The following AFDN variants were observed in gnomAD, a reference collection of about 807,000 sequenced individuals.
AFDN encodes the protein afadin.
In AFDN, 68 loss-of-function variants were observed where a neutral mutation model predicts 216.6. The ratio of observed to expected loss-of-function variants is 0.31; its 90% CI spans 0.26 to 0.38. The LOEUF (loss-of-function observed/expected upper bound fraction) is 0.38. Among genes scored for constraint, AFDN ranks in the 10% least tolerant of loss-of-function variants. The pLI, the probability that AFDN is intolerant of heterozygous loss-of-function variation, is 1.00. For missense variants in AFDN, 2,136 were observed against 2,342.0 expected (o/e 0.91, Z 1.82); for synonymous variants, 868 against 853.7 (o/e 1.02, Z -0.29).
rs746384210 is a variant in AFDN at position 167,911,423 on chromosome 6, A to G, written c.1971A>G (p.Thr657=). The change falls in exon 15 of 34, where the codon ACA becomes ACG. Residue 657 remains threonine (T), a synonymous_variant. Coordinates refer to ENST00000683244, the MANE Select transcript of AFDN (RefSeq NM_001386888.1). ...AGTACAGACCTGACATCAGCCCTAC[A>G]GAGCGCACACATAAAGTCATTGCAG... ...SNQYRPDISP[T]ERTHKVIAVV... 3 of 1,614,140 alleles carry G rather than the reference A, an allele frequency of 1.9e-6. No individual in the cohort carries two copies. Among genetic ancestry groups the G allele is most frequent in the Admixed American group, 3.3e-5 (2 of 60,032 alleles).
At chr6:167,966,216 C>T (rs376267330) in intron 32 of AFDN, 171 bp downstream of exon 32, 1 of 1,533,198 alleles carries the variant, frequency 6.5e-7, no homozygotes. Context: ...CAAAAAAGGC[C>T]AGCCCCTGCC....
At chr6:167,846,396 G>A (rs1781686926) in intron 1 of AFDN, among the ~76,000 whole-genome samples, 1 of 152,038 alleles carries the variant, frequency 6.6e-6, no homozygotes, top group South Asian at 2.1e-4. Flanking sequence ...GTGACTTTGA[G>A]AAGATTCTCA....
chr6:167,963,813 G>C, intron 31 of AFDN: 2 of 1,063,338 alleles, frequency 1.9e-6, no homozygotes, highest in Non-Finnish European at 2.3e-6. Context: ...AAGGAAATCA[G>C]ATTTACAAAA....
chr6:167,835,408 A>G (rs1324342222), intron 1 of AFDN, among the ~76,000 whole-genome samples: 3 of 152,226 alleles, frequency 2.0e-5, no homozygotes, highest in African/African-American at 7.2e-5. Flanking sequence ...AGAAGTGACT[A>G]ATTCAATTCA....
intron 4 of AFDN, 36 bp downstream of exon 4, chr6:167,872,413 G>C: frequency 1.3e-6 from 2 of 1,575,364 alleles, no homozygotes; most frequent in South Asian, 1.2e-5. Flanking sequence ...CTTTCTTTGT[G>C]CTCCAAATCA....
chr6:167,958,588 C>T (rs1020219635), intron 30 of AFDN, among the ~76,000 whole-genome samples: 4 of 152,314 alleles, frequency 2.6e-5, no homozygotes, highest in South Asian at 2.1e-4. Flanking sequence ...GAAATTCCTC[C>T]CCCTTGGGGT....
In AFDN at chr6:167,862,539, C is replaced by T. The variant is rs374909412; in HGVS notation, c.106-2012C>T. Among the ~76,000 whole-genome samples, 6 of 152,250 alleles carry T rather than the reference C, an allele frequency of 3.9e-5. No individual in the cohort carries two copies. In the East Asian group the frequency reaches 9.7e-4, roughly 25 times the overall value. ...TACAGGTGCCTGCCACCACGCCCAG[C>T]TAATTTTTGTATTTTTGTAGAGACA... On this transcript the variant is annotated intron_variant, in intron 1 of 33. Transcript: ENST00000683244.
intron 30 of AFDN, chr6:167,954,360 A>T: frequency 2.3e-6 from 2 of 887,708 alleles, no homozygotes; most frequent in Non-Finnish European, 3.4e-6. Flanking sequence ...GACGCATGAT[A>T]GTGAGAAAAT....
At chr6:167,902,092 CAAA>C (rs35449284) in intron 11 of AFDN, among the ~76,000 whole-genome samples, 5 of 82,178 alleles carry the variant, frequency 6.1e-5, no homozygotes, top group Admixed American at 1.2e-4. Context: ...GACTTCATCT[CAAA>C]AAAAAAAAAA....
intron 23 of AFDN, among the ~76,000 whole-genome samples, chr6:167,936,879 A>G (rs545584641): frequency 6.6e-6 from 1 of 152,322 alleles, no homozygotes; most frequent in African/African-American, 2.4e-5. Context: ...ATGTGATACA[A>G]ATAGACATTT....
intron 22 of AFDN, among the ~76,000 whole-genome samples, chr6:167,924,339 G>A (rs1057159281): frequency 6.6e-6 from 1 of 152,056 alleles, no homozygotes; most frequent in African/African-American, 2.4e-5. Context: ...TATAGAATAC[G>A]TAACTTCAAT....
Position 167,872,301 on chromosome 6 carries a change from GA to G in AFDN, c.509del (p.Lys170ArgfsTer53), listed in dbSNP as rs1431558072. On this transcript the variant is annotated frameshift_variant, in exon 4 of 34. Coordinates refer to ENST00000683244, the MANE Select transcript of AFDN (RefSeq NM_001386888.1). LOFTEE classifies it high-confidence loss of function. ...KRTLSKKEKKEKKKREKEALR... is the reference protein window; with the variant it reads ...KRTLSKKEKKXKKKREKEALR... Reference sequence around the variant, plus strand: ...AACTCTCTCAAAGAAAGAAAAGAAGGAAAAAAAGAAGAGAGAAAAAGAGGCA... The same window carrying G: ...AACTCTCTCAAAGAAAGAAAAGAAGGAAAAAAGAAGAGAGAAAAAGAGGCA... 1 of 1,613,664 alleles carries G rather than the reference GA, an allele frequency of 6.2e-7. No individual in the cohort carries two copies. Among genetic ancestry groups the G allele is most frequent in the Non-Finnish European group, 8.5e-7 (1 of 1,179,874 alleles).
chr6:167,924,607 T>G (rs1792266344), intron 22 of AFDN, among the ~76,000 whole-genome samples: 1 of 152,242 alleles, frequency 6.6e-6, no homozygotes, highest in South Asian at 2.1e-4. Context: ...TAGTGTAAAA[T>G]AAGTTTACAT....
At chr6:167,844,573 C>G (rs567446174) in intron 1 of AFDN, among the ~76,000 whole-genome samples, 4 of 152,182 alleles carry the variant, frequency 2.6e-5, no homozygotes, top group Admixed American at 6.5e-5. Context: ...ATACACATAT[C>G]TTTCTATACT....
intron 31 of AFDN, chr6:167,964,222 A>G: frequency 9.4e-7 from 1 of 1,064,080 alleles, no homozygotes; most frequent in Non-Finnish European, 1.1e-6. Flanking sequence ...GAATGTCCAA[A>G]ACTCATGGGT....
In AFDN at chr6:167,827,234, C is replaced by T; in HGVS notation, c.102C>T (p.Thr34=). The change falls in exon 1 of 34, where the codon ACC becomes ACT. Residue 34 remains threonine, a synonymous_variant. Coordinates refer to ENST00000683244, the MANE Select transcript of AFDN (RefSeq NM_001386888.1). ...RLDLFEISQP[T]EDLEFHGVMR... Reference sequence around the variant, plus strand: ...ACCTGTTCGAGATCAGCCAGCCGACCGAGGTGAGCACCGCCGGGCGCGGGG... The same window carrying T: ...ACCTGTTCGAGATCAGCCAGCCGACTGAGGTGAGCACCGCCGGGCGCGGGG... 8.4e-7 allele frequency: 1 copy of T among 1,195,478 alleles called. No individual in the cohort carries two copies. The highest frequency in any genetic ancestry group is 1.6e-5 in the South Asian group (1 of 61,822). 74.1% of individuals were successfully genotyped at this position (1,195,478 alleles called of 1,614,324 possible). A position where few individuals can be genotyped will look rare whatever the true frequency, so the allele number is the denominator to read the frequency against.
intron 21 of AFDN, among the ~76,000 whole-genome samples, chr6:167,922,109 G>A (rs1244818709): frequency 2.0e-5 from 3 of 152,212 alleles, no homozygotes; most frequent in Non-Finnish European, 4.4e-5. Context: ...TAGAGAAAAT[G>A]TACCGAGGAT....
chr6:167,872,678 C>T (rs1784917488), intron 4 of AFDN, among the ~76,000 whole-genome samples: 1 of 152,158 alleles, frequency 6.6e-6, no homozygotes, highest in Admixed American at 6.6e-5. Flanking sequence ...TCATCTTCAG[C>T]TGGGTTTTTT....
chr6:167,946,764 A>C lies in AFDN; in HGVS notation c.3416A>C (p.Tyr1139Ser), dbSNP rs1795313633. ...PRPKSEGFEL[Y>S]NNSTQNGSPE... Reference sequence around the variant, plus strand: ...CCAAAGAGTGAAGGCTTTGAGCTCTATAATAATTCAACTCAAAATGGGTCT... The same window carrying C: ...CCAAAGAGTGAAGGCTTTGAGCTCTCTAATAATTCAACTCAAAATGGGTCT... Residue 1139 changes from tyrosine (Y) to serine (S), a missense_variant, in exon 27 of 34, where the codon TAT (tyrosine) becomes TCT (serine). Tyr to Ser is a moderately radical substitution (Grantham distance 144). This residue lies in a region of AFDN where 981 missense variants were observed against 966.0 expected (regional missense o/e 1.02). Transcript: ENST00000683244. 1 of 1,613,958 alleles carries C rather than the reference A, an allele frequency of 6.2e-7. No individual in the cohort carries two copies. The highest frequency in any genetic ancestry group is 1.1e-5 in the South Asian group (1 of 91,058).
Sources: gnomAD v4.1 joint callset for allele counts (sites outside exome capture counted in the v4.1 genomes callset) on GRCh38, gnomAD v4.1.1 for gene constraint, gnomAD v4.1.1 regional missense constraint, MANE v1.5 for transcripts, NCBI Gene and HGNC (gene_info 2026-07-23, HGNC 2026-07-21) for gene names.